CYSLTR2: variants seen among roughly 807,000 people sequenced by gnomAD.
CYSLTR2 encodes the protein G-protein coupled receptor GPCR21.
For synonymous variants in CYSLTR2, 179 were observed against 160.8 expected (o/e 1.11, Z -0.86); for missense variants, 398 against 411.9 (o/e 0.97, Z 0.29).
intron 1 of CYSLTR2, among the ~76,000 whole-genome samples, chr13:48,678,515 G>T (rs1041111791): frequency 6.6e-6 from 1 of 151,876 alleles, no homozygotes; most frequent in Non-Finnish European, 1.5e-5. Context: ...TCACACCCCC[G>T]CTGTGCGAGC....
At chr13:48,703,407 G>T (rs1007100590) in intron 4 of CYSLTR2, among the ~76,000 whole-genome samples, 1 of 152,050 alleles carries the variant, frequency 6.6e-6, no homozygotes, top group Non-Finnish European at 1.5e-5. Flanking sequence ...ATCTTATGGG[G>T]GAGACACTCA....
At chr13:48,676,637 G>A (rs1286788399) in intron 1 of CYSLTR2, among the ~76,000 whole-genome samples, 5 of 152,336 alleles carry the variant, frequency 3.3e-5, no homozygotes, top group African/African-American at 1.2e-4. Flanking sequence ...GTTACCAACT[G>A]AGTGAGATCA....
chr13:48,681,081 A>G (rs918151908), intron 1 of CYSLTR2, among the ~76,000 whole-genome samples: 11 of 151,786 alleles, frequency 7.2e-5, no homozygotes, highest in Admixed American at 7.2e-4. Flanking sequence ...TTCTGTGATT[A>G]TACTCTCCCT....
intron 1 of CYSLTR2, among the ~76,000 whole-genome samples, chr13:48,663,482 T>A (rs1953181552): frequency 6.6e-6 from 1 of 152,148 alleles, no homozygotes; most frequent in African/African-American, 2.4e-5. Flanking sequence ...GGGTTGTCTT[T>A]CCATTTGTTT....
At chr13:48,690,564 T>G (rs1954012599) in intron 1 of CYSLTR2, among the ~76,000 whole-genome samples, 1 of 152,208 alleles carries the variant, frequency 6.6e-6, no homozygotes, top group Non-Finnish European at 1.5e-5. Context: ...GTTTATTGAT[T>G]TGCATATGTT....
chr13:48,710,703 C>A lies in CYSLTR2; in HGVS notation c.*2845C>A, dbSNP rs1292064511. The A allele has an allele frequency of 6.6e-6, 1 of 152,176 alleles. No individual in the cohort carries two copies. The highest frequency in any genetic ancestry group is 1.5e-5 in the Non-Finnish European group (1 of 68,040). 9.4% of individuals were successfully genotyped at this position (152,176 alleles called of 1,614,324 possible). A position where few individuals can be genotyped will look rare whatever the true frequency, so the allele number is the denominator to read the frequency against. ...CAAGCTGCAAAAATTATTTATTACACCCCACGGTGTGTGATAAACACTTAG... is the reference window on the plus strand; with the variant it reads ...CAAGCTGCAAAAATTATTTATTACAACCCACGGTGTGTGATAAACACTTAG... On this transcript the variant is annotated 3_prime_UTR_variant, in exon 5 of 5. Transcript: ENST00000682523.
At chr13:48,697,882 A>G (rs1226653690) in intron 4 of CYSLTR2, among the ~76,000 whole-genome samples, 3 of 152,380 alleles carry the variant, frequency 2.0e-5, no homozygotes, top group Middle Eastern at 3.4e-3. Flanking sequence ...CACAAGCTTC[A>G]GTAGCTGATT....
rs574546608 is a variant in CYSLTR2 at position 48,670,122 on chromosome 13, G to T, written c.-266+16105G>T. Among the ~76,000 whole-genome samples, 460 of 152,280 alleles carry T rather than the reference G, an allele frequency of 3.0e-3. 3 individuals are homozygous for T. Among genetic ancestry groups the T allele is most frequent in the Non-Finnish European group, 3.8e-3 (258 of 68,016 alleles). On this transcript the variant is annotated intron_variant, in intron 1 of 4. Transcript: ENST00000682523. ...TATGCTTTGCCCACTTTTTGATGGG[G>T]TTTTTTGTTTTTTCTTGTAAACTTG...
rs73182542 is a variant in CYSLTR2 at position 48,655,503 on chromosome 13, C to T, written c.-266+1486C>T. On this transcript the variant is annotated intron_variant, in intron 1 of 4. Transcript: ENST00000682523. ...CTCCCATCAGGGACTGAAAACAGAG[C>T]CACAGCGCCTAAACCACACTGAAGC... 7.3e-3 allele frequency among the ~76,000 whole-genome samples: 1,114 copies of T among 152,284 alleles called. 11 individuals carry two copies. Among genetic ancestry groups the T allele is most frequent in the Non-Finnish European group, 9.1e-3 (617 of 68,034 alleles).
Position 48,710,356 on chromosome 13 carries a change from A to G in CYSLTR2, c.*2498A>G, listed in dbSNP as rs539097012. The G allele has an allele frequency of 6.6e-6, 1 of 152,312 alleles. No individual in the cohort carries two copies. Among genetic ancestry groups the G allele is most frequent in the South Asian group, 2.1e-4 (1 of 4,824 alleles). 9.4% of individuals were successfully genotyped at this position (152,312 alleles called of 1,614,324 possible). A position where few individuals can be genotyped will look rare whatever the true frequency, so the allele number is the denominator to read the frequency against. On this transcript the variant is annotated 3_prime_UTR_variant, in exon 5 of 5. Transcript: ENST00000682523. The stretch of plus-strand genomic sequence containing the variant: ...GATTTCTCCAGTGGATCCACAATGT[A>G]TATGCTACCCACCCATGAGTCACTT...
rs181047201 is a variant in CYSLTR2 at position 48,682,786 on chromosome 13, C to T, written c.-265-8426C>T. Among the ~76,000 whole-genome samples the T allele has an allele frequency of 8.5e-5, 13 of 152,138 alleles. No individual in the cohort carries two copies. In the East Asian group the frequency reaches 1.2e-3, roughly 14 times the overall value. ...TGCAGGTTTGTTATATAGGTAAATT[C>T]GTGTCACAGGGATTTCTTGTATAGA... On this transcript the variant is annotated intron_variant, in intron 1 of 4. Transcript: ENST00000682523.
intron 1 of CYSLTR2, among the ~76,000 whole-genome samples, chr13:48,681,311 T>C (rs1194652262): frequency 6.6e-6 from 1 of 152,204 alleles, no homozygotes; most frequent in Non-Finnish European, 1.5e-5. Context: ...GAGATGTTGT[T>C]CCCAGTTCAT....
intron 1 of CYSLTR2, among the ~76,000 whole-genome samples, chr13:48,680,247 A>G (rs1190396893): frequency 1.3e-5 from 2 of 152,198 alleles, no homozygotes; most frequent in Non-Finnish European, 2.9e-5. Flanking sequence ...ATCTGACCAT[A>G]GTCAGTGTTG....
chr13:48,684,184 C>T (rs1953836517), intron 1 of CYSLTR2, among the ~76,000 whole-genome samples: 1 of 152,084 alleles, frequency 6.6e-6, no homozygotes, highest in Non-Finnish European at 1.5e-5. Context: ...CCACCTTGGC[C>T]TCCCAAAATG....
chr13:48,705,867 C>T lies in CYSLTR2; in HGVS notation c.-1-950C>T, dbSNP rs139362593. On this transcript the variant is annotated intron_variant, in intron 4 of 4. Coordinates refer to ENST00000682523, the MANE Select transcript of CYSLTR2 (RefSeq NM_001308476.3). Reference sequence around the variant, plus strand: ...GGAAGGACAGCCTATTGTATTTACACATATTTTGGCTTACCATGTTCTTTC... The same window carrying T: ...GGAAGGACAGCCTATTGTATTTACATATATTTTGGCTTACCATGTTCTTTC... Among the ~76,000 whole-genome samples, 669 of 151,696 alleles carry T rather than the reference C, an allele frequency of 4.4e-3. 3 individuals carry two copies. The highest frequency in any genetic ancestry group is 0.014 in the Middle Eastern group (4 of 294).
At chr13:48,672,735 A>G (rs1031072688) in intron 1 of CYSLTR2, among the ~76,000 whole-genome samples, 2 of 150,220 alleles carry the variant, frequency 1.3e-5, no homozygotes, top group East Asian at 3.9e-4. Context: ...CTCCTGCCTC[A>G]GCCTCCTAAG....
intron 3 of CYSLTR2, chr13:48,694,894 G>A (rs1954127232): frequency 6.6e-6 from 1 of 151,918 alleles, no homozygotes; most frequent in African/African-American, 2.4e-5. Context: ...GTTTGTAGAT[G>A]GAATTTTGCA....
intron 1 of CYSLTR2, among the ~76,000 whole-genome samples, chr13:48,679,317 G>A (rs1953686467): frequency 1.3e-5 from 2 of 151,968 alleles, no homozygotes; most frequent in South Asian, 4.2e-4. Context: ...TCTTTCTGTG[G>A]GCCCTTCTTC....
Position 48,708,968 on chromosome 13 carries a change from C to A in CYSLTR2, c.*1110C>A. ...TACTGACAACAATTGAATGCAGTCTCCCTGCAGGGCAGATTATGCCAGGCA... is the reference window on the plus strand; with the variant it reads ...TACTGACAACAATTGAATGCAGTCTACCTGCAGGGCAGATTATGCCAGGCA... On this transcript the variant is annotated 3_prime_UTR_variant, in exon 5 of 5. Coordinates refer to ENST00000682523, the MANE Select transcript of CYSLTR2 (RefSeq NM_001308476.3). The A allele has an allele frequency of 6.0e-6, 1 of 167,216 alleles. No individual in the cohort carries two copies. The allele number at this position is 167,216 out of a possible 1,614,324, so 10.4% of individuals were successfully genotyped here. A position where few individuals can be genotyped will look rare whatever the true frequency, so the allele number is the denominator to read the frequency against.
Sources: gnomAD v4.1 joint callset for allele counts (sites outside exome capture counted in the v4.1 genomes callset) on GRCh38, gnomAD v4.1.1 for gene constraint, MANE v1.5 for transcripts, NCBI Gene and HGNC (gene_info 2026-07-23, HGNC 2026-07-21) for gene names.